EBF2: variants seen among roughly 807,000 people sequenced by gnomAD.
EBF2 encodes transcription factor COE2.
In EBF2, 21 loss-of-function variants were observed where a neutral mutation model predicts 72.8. The observed-to-expected ratio is 0.29, with a 90% CI of 0.20 to 0.42. EBF2 has a LOEUF of 0.42. Ranked by LOEUF, EBF2 falls within the 10% of genes least tolerant of loss-of-function variation. The probability of loss-of-function intolerance (pLI) is 1.00; values close to 1 mark genes in which losing one functional copy is unlikely to be tolerated. For synonymous variants in EBF2, 299 were observed against 274.2 expected, an observed-to-expected ratio of 1.09 and a Z score of -0.89; for missense variants, 637 against 731.2, an observed-to-expected ratio of 0.87 and a Z score of 1.49.
intron 6 of EBF2, among the ~76,000 whole-genome samples, chr8:25,978,900 C>A (rs759239026): frequency 3.3e-5 from 5 of 152,112 alleles, no homozygotes; most frequent in Non-Finnish European, 7.4e-5. Flanking sequence ...AAGGGTCTGA[C>A]GCTGGGCGGG....
At chr8:26,031,694 C>T (rs1200149549) in intron 6 of EBF2, 1 of 152,000 alleles carries the variant, frequency 6.6e-6, no homozygotes, top group Non-Finnish European at 1.5e-5. Context: ...CCTCGGTCTT[C>T]CTAAGTGCTG....
At chr8:26,000,693 A>T (rs1804708541) in intron 6 of EBF2, among the ~76,000 whole-genome samples, 6 of 152,224 alleles carry the variant, frequency 3.9e-5, no homozygotes, top group Admixed American at 1.3e-4. Context: ...TCAAGGGATA[A>T]CGCATTAGTT....
intron 6 of EBF2, among the ~76,000 whole-genome samples, chr8:25,985,813 A>G (rs62499106): frequency 0.2 from 30,046 of 151,466 alleles, 3,656 homozygotes; most frequent in Non-Finnish European, 0.27. Flanking sequence ...CAGCCTTGAC[A>G]ACACAGAGAG....
chr8:25,871,456 A>G, intron 10 of EBF2, among the ~76,000 whole-genome samples: 1 of 152,346 alleles, frequency 6.6e-6, no homozygotes, highest in East Asian at 1.9e-4. Flanking sequence ...GGCTCTATTT[A>G]TCTATGTCTT....
intron 5 of EBF2, among the ~76,000 whole-genome samples, chr8:26,039,165 G>C (rs1419433863): frequency 6.6e-6 from 1 of 151,978 alleles, no homozygotes; most frequent in Middle Eastern, 3.2e-3. Context: ...GCACACGTTA[G>C]GCACTCAATA....
chr8:25,975,016 G>C (rs570001432), intron 6 of EBF2, among the ~76,000 whole-genome samples: 14 of 152,250 alleles, frequency 9.2e-5, no homozygotes, highest in African/African-American at 3.4e-4. Context: ...GTTTCTACCA[G>C]AGAAACAAAG....
chr8:25,906,971 T>A (rs1011030626), intron 7 of EBF2, among the ~76,000 whole-genome samples: 2 of 152,060 alleles, frequency 1.3e-5, no homozygotes, highest in Non-Finnish European at 2.9e-5. Flanking sequence ...TAACTCTCAG[T>A]AGCCCTTGTG....
intron 6 of EBF2, among the ~76,000 whole-genome samples, chr8:25,944,146 A>T (rs1416475438): frequency 6.6e-6 from 1 of 152,246 alleles, no homozygotes; most frequent in Non-Finnish European, 1.5e-5. Flanking sequence ...TACGGAGATA[A>T]GAGAAAAAGC....
intron 7 of EBF2, among the ~76,000 whole-genome samples, chr8:25,897,853 T>C (rs779734712): frequency 4.6e-5 from 7 of 152,230 alleles, no homozygotes; most frequent in African/African-American, 1.7e-4. Flanking sequence ...GGTAGAACAA[T>C]TTCCTTTCCT....
At chr8:25,973,507 G>A (rs1433307520) in intron 6 of EBF2, among the ~76,000 whole-genome samples, 1 of 152,146 alleles carries the variant, frequency 6.6e-6, no homozygotes. Flanking sequence ...TTCCAAAGGT[G>A]TGCAAAACCA....
chr8:25,884,038 G>T (rs1802647491), intron 10 of EBF2, among the ~76,000 whole-genome samples: 1 of 152,062 alleles, frequency 6.6e-6, no homozygotes, highest in African/African-American at 2.4e-5. Context: ...TGGTCCTGTG[G>T]CTTTAAATCC....
chr8:26,025,920 A>AGG (rs1805296724), intron 6 of EBF2, among the ~76,000 whole-genome samples: 1 of 152,212 alleles, frequency 6.6e-6, no homozygotes, highest in Non-Finnish European at 1.5e-5. Context: ...ACCAGTAATC[A>AGG]CAACACTGTG....
intron 10 of EBF2, among the ~76,000 whole-genome samples, chr8:25,874,823 T>A (rs1802493901): frequency 6.7e-6 from 1 of 149,662 alleles, no homozygotes; most frequent in Non-Finnish European, 1.5e-5. Flanking sequence ...GAGCTGGGAC[T>A]ACAAGCCCAT....
chr8:25,889,692 G>A (rs986370090), intron 8 of EBF2, 60 bp downstream of exon 8: 30 of 1,368,768 alleles, frequency 2.2e-5, no homozygotes, highest in Admixed American at 8.7e-5. Context: ...TTTGAAGTTC[G>A]AACAAGGAAA....
At chr8:25,995,321 A>G (rs1221059821) in intron 6 of EBF2, among the ~76,000 whole-genome samples, 1 of 152,224 alleles carries the variant, frequency 6.6e-6, no homozygotes, top group Non-Finnish European at 1.5e-5. Context: ...AATAGAAATA[A>G]AAATAAAAAT....
chr8:25,929,192 G>A (rs1279771968), intron 6 of EBF2, among the ~76,000 whole-genome samples: 3 of 152,114 alleles, frequency 2.0e-5, no homozygotes, highest in African/African-American at 7.2e-5. Flanking sequence ...AGATATTATC[G>A]CATCAATATC....
chr8:25,849,903 G>A (rs1440098758), intron 15 of EBF2, among the ~76,000 whole-genome samples: 1 of 148,494 alleles, frequency 6.7e-6, no homozygotes, highest in East Asian at 1.9e-4. Context: ...TGTATGCCAA[G>A]AGGACATGAT....
At chr8:25,959,985 C>T (rs984782344) in intron 6 of EBF2, among the ~76,000 whole-genome samples, 2 of 152,198 alleles carry the variant, frequency 1.3e-5, no homozygotes, top group African/African-American at 4.8e-5. Context: ...ACAAATAACC[C>T]AATTCCCAGC....
chr8:25,927,768 C>T (rs185011596), intron 6 of EBF2, among the ~76,000 whole-genome samples: 14 of 152,158 alleles, frequency 9.2e-5, no homozygotes, highest in Non-Finnish European at 1.5e-4. Flanking sequence ...GAACTTAAGT[C>T]CTAAACAGTG....
Sources: allele counts gnomAD v4.1 joint callset (sites outside exome capture counted in the v4.1 genomes callset), GRCh38; gene constraint gnomAD v4.1.1; transcripts MANE v1.5; gene names NCBI Gene and HGNC (gene_info 2026-07-23, HGNC 2026-07-21).